The following WWP1 variants were observed in gnomAD, a reference collection of about 807,000 sequenced individuals.
The protein encoded by WWP1 is NEDD4-like E3 ubiquitin-protein ligase WWP1.
Under a neutral mutation model 130.6 loss-of-function variants are expected in WWP1, and 49 were observed. The observed-to-expected ratio is 0.38, with a 90% CI of 0.30 to 0.48. The LOEUF is 0.48. Among genes scored for constraint, WWP1 ranks in the 20% least tolerant of loss-of-function variants. WWP1 has a pLI of 0.99. For missense variants in WWP1, 809 were observed against 1,100.6 expected (o/e 0.74, Z 3.75); for synonymous variants, 332 against 367.8 (o/e 0.90, Z 1.11).
chr8:86,349,953 T>C (rs1195855637), intron 1 of WWP1, among the ~76,000 whole-genome samples: 1 of 152,020 alleles, frequency 6.6e-6, no homozygotes, highest in Non-Finnish European at 1.5e-5. Flanking sequence ...GTTTCTTGAC[T>C]ATCACTCTGG....
chr8:86,390,495 C>T (rs1228025903), intron 5 of WWP1, among the ~76,000 whole-genome samples: 2 of 152,176 alleles, frequency 1.3e-5, no homozygotes, highest in Admixed American at 1.3e-4. Flanking sequence ...GAGCTGGAGA[C>T]CAGCCCGTCC....
intron 7 of WWP1, among the ~76,000 whole-genome samples, chr8:86,399,344 C>G (rs1807845415): frequency 6.6e-6 from 1 of 152,122 alleles, no homozygotes; most frequent in Non-Finnish European, 1.5e-5. Context: ...TTCAGAAACT[C>G]CCTGGCATTC....
intron 2 of WWP1, among the ~76,000 whole-genome samples, chr8:86,370,883 T>TTTTTTTTA (rs1824254331): frequency 9.2e-6 from 1 of 108,594 alleles, no homozygotes; most frequent in Non-Finnish European, 2.0e-5. Context: ...TTTTTTTTTT[T>TTTTTTTTA]GAGACAGAGT....
At chr8:86,344,190 G>T (rs1215895949) in intron 1 of WWP1, among the ~76,000 whole-genome samples, 1 of 152,170 alleles carries the variant, frequency 6.6e-6, no homozygotes, top group Non-Finnish European at 1.5e-5. Context: ...CCAAGTATTG[G>T]GAGCTACTCA....
At chr8:86,344,533 TAGA>T (rs1822452081) in intron 1 of WWP1, among the ~76,000 whole-genome samples, 1 of 152,194 alleles carries the variant, frequency 6.6e-6, no homozygotes, top group Non-Finnish European at 1.5e-5. Flanking sequence ...ACTAATTAGG[TAGA>T]TAGTGCTATA....
chr8:86,464,495 A>G (rs1257289495), intron 24 of WWP1, among the ~76,000 whole-genome samples: 1 of 151,956 alleles, frequency 6.6e-6, no homozygotes, highest in African/African-American at 2.4e-5. Flanking sequence ...TCATATAAAT[A>G]AAAGCTCTTT....
At chr8:86,444,384 T>A (rs1367584136) in intron 18 of WWP1, among the ~76,000 whole-genome samples, 2 of 152,198 alleles carry the variant, frequency 1.3e-5, no homozygotes, top group East Asian at 3.9e-4. Flanking sequence ...GAGGTATAAG[T>A]CTGGCAATGA....
rs60177164 is a variant in WWP1, at chr8:86,427,697, C to G, written c.1212C>G (p.Thr404=). 3 of 1,613,606 alleles carry G rather than the reference C, an allele frequency of 1.9e-6. No individual in the cohort carries two copies. The South Asian group carries it at 3.3e-5, about 18-fold the overall frequency. Residue 404 remains threonine, a synonymous_variant, in exon 11 of 25, where the codon ACC becomes ACG. Coordinates refer to ENST00000517970, the MANE Select transcript of WWP1 (RefSeq NM_007013.4). Reference sequence around the variant, plus strand: ...GAGTTTATTATGTGGATCATAACACCAGAACAACAACGTGGCAGCGGCCTA... The same window carrying G: ...GAGTTTATTATGTGGATCATAACACGAGAACAACAACGTGGCAGCGGCCTA... ...RRRVYYVDHN[T]RTTTWQRPTM...
intron 5 of WWP1, among the ~76,000 whole-genome samples, chr8:86,392,102 A>G (rs937353254): frequency 6.6e-6 from 1 of 152,152 alleles, no homozygotes; most frequent in African/African-American, 2.4e-5. Flanking sequence ...ACTGTTAGGA[A>G]CTATGGTGGT....
At chr8:86,429,703 T>G (rs1413543451) in intron 11 of WWP1, among the ~76,000 whole-genome samples, 6 of 152,252 alleles carry the variant, frequency 3.9e-5, no homozygotes, top group Admixed American at 3.3e-4. Flanking sequence ...ATAACTGTTC[T>G]ATTTTTAAAC....
intron 1 of WWP1, among the ~76,000 whole-genome samples, chr8:86,364,643 A>G (rs1431617483): frequency 6.6e-6 from 1 of 152,084 alleles, no homozygotes; most frequent in African/African-American, 2.4e-5. Flanking sequence ...CTCTACAAAA[A>G]ACAAACAAAG....
At chr8:86,376,638 A>C (rs1457154749) in intron 3 of WWP1, among the ~76,000 whole-genome samples, 1 of 152,166 alleles carries the variant, frequency 6.6e-6, no homozygotes, top group Non-Finnish European at 1.5e-5. Flanking sequence ...GAAAAAGAAC[A>C]TACTGAAAGA....
At chr8:86,370,852 A>ATTTTTTTT (rs1563472827) in intron 2 of WWP1, among the ~76,000 whole-genome samples, 2 of 60,634 alleles carry the variant, frequency 3.3e-5, no homozygotes, top group Non-Finnish European at 6.5e-5. Context: ...AGCTATATTC[A>ATTTTTTTT]TTCTTTTTTT....
intron 11 of WWP1, among the ~76,000 whole-genome samples, chr8:86,430,458 ATTTTT>A (rs1003762964): frequency 7.9e-5 from 12 of 151,016 alleles, no homozygotes; most frequent in African/African-American, 2.9e-4. Flanking sequence ...TTAAAAAAAA[ATTTTT>A]TTTTATAGAG....
chr8:86,409,220 T>C (rs1318245246), intron 8 of WWP1, among the ~76,000 whole-genome samples: 2 of 145,686 alleles, frequency 1.4e-5, no homozygotes, highest in Non-Finnish European at 3.0e-5. Context: ...CTTTTTCTTT[T>C]TCTTTCTTTT....
intron 22 of WWP1, among the ~76,000 whole-genome samples, chr8:86,460,898 C>G (rs1281822236): frequency 7.1e-6 from 1 of 141,038 alleles, no homozygotes; most frequent in African/African-American, 2.6e-5. Flanking sequence ...CAAGCTCCAC[C>G]TCCCGGGTTC....
chr8:86,388,336 C>G (rs1226027604), intron 5 of WWP1, among the ~76,000 whole-genome samples: 1 of 151,814 alleles, frequency 6.6e-6, no homozygotes, highest in Non-Finnish European at 1.5e-5. Flanking sequence ...TGTACGGTAG[C>G]CTCCAACTCC....
chr8:86,371,296 A>AT (rs1203054451), intron 2 of WWP1, among the ~76,000 whole-genome samples: 2 of 151,972 alleles, frequency 1.3e-5, no homozygotes, highest in Non-Finnish European at 2.9e-5. Context: ...GTATTTTTCA[A>AT]TTTTTTTGTT....
At chr8:86,374,777 A>G (rs530074386) in intron 3 of WWP1, among the ~76,000 whole-genome samples, 1 of 151,890 alleles carries the variant, frequency 6.6e-6, no homozygotes, top group Non-Finnish European at 1.5e-5. Flanking sequence ...TGGCGCAAAC[A>G]TACCTCCTTG....
Sources: gnomAD v4.1 joint callset for allele counts (sites outside exome capture counted in the v4.1 genomes callset) on GRCh38, gnomAD v4.1.1 for gene constraint, MANE v1.5 for transcripts, NCBI Gene and HGNC (gene_info 2026-07-23, HGNC 2026-07-21) for gene names.